Variants in TRIM44 observed in about 807,000 individuals in gnomAD.
The protein encoded by TRIM44 is tripartite motif-containing protein 44.
Under a neutral mutation model 37.4 loss-of-function variants are expected in TRIM44, and 13 were observed. The ratio of observed to expected loss-of-function variants is 0.35; its 90% CI spans 0.23 to 0.55. The LOEUF (loss-of-function observed/expected upper bound fraction) is 0.55, where lower values mean the gene tolerates loss of function less well. TRIM44 is among the 20% of genes least tolerant of loss of function. TRIM44 has a pLI of 0.89. For synonymous variants in TRIM44, 175 were observed against 157.2 expected (o/e 1.11, Z -0.85); for missense variants, 426 against 437.2 (o/e 0.97, Z 0.23).
At chr11:35,700,331 A>G (rs1295608693) in intron 2 of TRIM44, among the ~76,000 whole-genome samples, 1 of 152,208 alleles carries the variant, frequency 6.6e-6, no homozygotes, top group Admixed American at 6.5e-5. Flanking sequence ...AATTTTTACA[A>G]GCCTTCCACA....
At position 35,790,821 on chromosome 11, in the gene TRIM44, C is replaced by T. The variant is rs111611292; in HGVS notation, c.1008-15537C>T. Among the ~76,000 whole-genome samples, 35 of 152,194 alleles carry T rather than the reference C, an allele frequency of 2.3e-4. No homozygotes were observed. The East Asian group carries it at 6.2e-3, about 27-fold the overall frequency. On this transcript the variant is annotated intron_variant, in intron 4 of 4. Coordinates refer to ENST00000299413, the MANE Select transcript of TRIM44 (RefSeq NM_017583.6). ...GGGATAGCTTTCTTACCTTCTTTTC[C>T]GTTTCCTAGGGAAACTCATAACAAG...
At chr11:35,695,925 C>T (rs1564956592) in intron 2 of TRIM44, among the ~76,000 whole-genome samples, 1 of 145,520 alleles carries the variant, frequency 6.9e-6, no homozygotes, top group Non-Finnish European at 1.5e-5. Context: ...TCCCATGTAA[C>T]ATGTCAAATC....
At position 35,783,079 on chromosome 11, in the gene TRIM44, T is replaced by C. The variant is rs143686164; in HGVS notation, c.1008-23279T>C. The stretch of plus-strand genomic sequence containing the variant: ...GTTACACACCAGACTCTATGCTAAG[T>C]GCTTTACATATGTTCTCTCATTTCC... On this transcript the variant is annotated intron_variant, in intron 4 of 4. Coordinates refer to ENST00000299413, the MANE Select transcript of TRIM44 (RefSeq NM_017583.6). Among the ~76,000 whole-genome samples, 286 of 152,306 alleles carry C rather than the reference T, an allele frequency of 1.9e-3. 2 individuals are homozygous for C. Among genetic ancestry groups the C allele is most frequent in the African/African-American group, 6.6e-3 (275 of 41,566 alleles).
intron 4 of TRIM44, among the ~76,000 whole-genome samples, chr11:35,763,915 G>A (rs1365851095): frequency 6.6e-6 from 1 of 152,148 alleles, no homozygotes; most frequent in African/African-American, 2.4e-5. Flanking sequence ...CCTTTCCAGT[G>A]TCTTTGGTAT....
chr11:35,717,011 G>A (rs891680504), intron 2 of TRIM44, among the ~76,000 whole-genome samples: 2 of 152,198 alleles, frequency 1.3e-5, no homozygotes, highest in African/African-American at 4.8e-5. Context: ...AAAGGTAGCA[G>A]TGATAATGAA....
chr11:35,689,452 A>C (rs1014810848), intron 2 of TRIM44, among the ~76,000 whole-genome samples: 1 of 152,232 alleles, frequency 6.6e-6, no homozygotes, highest in Non-Finnish European at 1.5e-5. Context: ...CAAAACGATT[A>C]GTAGGAAATG....
intron 1 of TRIM44, among the ~76,000 whole-genome samples, chr11:35,683,248 A>G (rs1389398547): frequency 2.0e-5 from 3 of 152,166 alleles, no homozygotes. Flanking sequence ...GATATAGGGG[A>G]GTTGTAAACC....
intron 4 of TRIM44, among the ~76,000 whole-genome samples, chr11:35,753,634 T>C (rs138797508): frequency 2.2e-4 from 34 of 152,354 alleles, no homozygotes; most frequent in African/African-American, 8.2e-4. Context: ...TTTCAGAACA[T>C]GCAGATTATG....
chr11:35,761,742 C>G (rs192890140), intron 4 of TRIM44, among the ~76,000 whole-genome samples: 2 of 152,350 alleles, frequency 1.3e-5, no homozygotes, highest in Non-Finnish European at 2.9e-5. Context: ...GCTGCAGAGT[C>G]ATATCACTAT....
chr11:35,779,024 G>A (rs143043989), intron 4 of TRIM44, among the ~76,000 whole-genome samples: 3,199 of 152,310 alleles, frequency 0.021, 48 homozygotes, highest in Middle Eastern at 0.041. Flanking sequence ...CTTTTGTTCA[G>A]CTATGCCCTG....
At chr11:35,733,421 T>A (rs541157635) in intron 3 of TRIM44, among the ~76,000 whole-genome samples, 1 of 152,340 alleles carries the variant, frequency 6.6e-6, no homozygotes, top group Admixed American at 6.5e-5. Flanking sequence ...GATATAATTA[T>A]GTCATTCATA....
Position 35,696,281 on chromosome 11 carries a change from A to G in TRIM44, c.747+10945A>G, listed in dbSNP as rs376834910. On this transcript the variant is annotated intron_variant, in intron 2 of 4. Transcript: ENST00000299413. ...CTCAGCCTCCTGAGTAGCTGGGACT[A>G]CAGGTGCCCGCTACCATGCCCAGCT... Among the ~76,000 whole-genome samples the G allele has an allele frequency of 2.2e-4, 33 of 151,576 alleles. 1 individual carries two copies. In the East Asian group the frequency reaches 3.6e-3, roughly 16 times the overall value.
In TRIM44 at chr11:35,750,263, A is replaced by G. The variant is rs545124359; in HGVS notation, c.1007+14818A>G. Among the ~76,000 whole-genome samples, 123 of 152,256 alleles carry G rather than the reference A, an allele frequency of 8.1e-4. 1 individual carries two copies. The highest frequency in any genetic ancestry group is 3.5e-3 in the South Asian group (17 of 4,820). ...TTTCATGGCGCTTACCACATTGTGA[A>G]TGGTCTCTCCTCCACATTTGAGGGG... On this transcript the variant is annotated intron_variant, in intron 4 of 4. Transcript: ENST00000299413.
intron 4 of TRIM44, among the ~76,000 whole-genome samples, chr11:35,768,834 T>C (rs1852829773): frequency 6.6e-6 from 1 of 152,182 alleles, no homozygotes; most frequent in Non-Finnish European, 1.5e-5. Flanking sequence ...GTAAAAAATA[T>C]ATGAAATATA....
chr11:35,683,979 A>T (rs1474694489), intron 1 of TRIM44, among the ~76,000 whole-genome samples: 4 of 152,136 alleles, frequency 2.6e-5, no homozygotes, highest in African/African-American at 9.7e-5. Context: ...GAGTACCTTG[A>T]CATACATTAA....
intron 2 of TRIM44, among the ~76,000 whole-genome samples, chr11:35,722,993 ATCTC>A (rs768156795): frequency 1.3e-4 from 19 of 151,322 alleles, no homozygotes; most frequent in African/African-American, 4.4e-4. Flanking sequence ...TTGTTTTTCA[ATCTC>A]TCTCTCTTTC....
chr11:35,765,438 G>GT (rs1025497718), intron 4 of TRIM44, among the ~76,000 whole-genome samples: 11 of 152,332 alleles, frequency 7.2e-5, no homozygotes, highest in Middle Eastern at 3.4e-3. Flanking sequence ...TTTCACAGAT[G>GT]TTGACTCATT....
chr11:35,707,128 CAG>C (rs1264379676), intron 2 of TRIM44, among the ~76,000 whole-genome samples: 1 of 151,206 alleles, frequency 6.6e-6, no homozygotes, highest in South Asian at 2.1e-4. Flanking sequence ...AACAGACAAA[CAG>C]AGAGCCAAAT....
chr11:35,663,136 T>A lies in TRIM44; in HGVS notation c.25T>A (p.Phe9Ile). ...CATGGCCTCTGGAGTGGGCGCGGCC[T>A]TCGAGGAACTGCCTCACGACGGCAC... is the stretch of plus-strand genomic sequence containing the variant. MASGVGAA[F>I]EELPHDGTCD... The change falls in exon 1 of 5, where the codon TTC becomes ATC. Residue 9 changes from phenylalanine (F) to isoleucine (I), a missense_variant. Coordinates refer to ENST00000299413, the MANE Select transcript of TRIM44 (RefSeq NM_017583.6). 3.3e-6 allele frequency: 5 copies of A among 1,534,484 alleles called. No homozygotes were observed. The highest frequency in any genetic ancestry group is 4.4e-6 in the Non-Finnish European group (5 of 1,143,312).
Sources: gnomAD v4.1 joint callset for allele counts (sites outside exome capture counted in the v4.1 genomes callset) on GRCh38, gnomAD v4.1.1 for gene constraint, MANE v1.5 for transcripts, NCBI Gene and HGNC (gene_info 2026-07-23, HGNC 2026-07-21) for gene names.